The following METTL25 variants were observed in gnomAD, a reference collection of about 807,000 sequenced individuals.
METTL25 encodes probable methyltransferase-like protein 25.
In METTL25, 64 loss-of-function variants were observed where a neutral mutation model predicts 71.6. That is an observed-to-expected ratio of 0.89 (90% CI 0.73 to 1.10). The LOEUF is 1.10. Ranked by LOEUF, METTL25 falls within the 50% of genes least tolerant of loss-of-function variation. The pLI is 0.00. For missense variants in METTL25, 807 were observed against 707.0 expected, an observed-to-expected ratio of 1.14 and a Z score of -1.60; for synonymous variants, 287 against 250.3, an observed-to-expected ratio of 1.15 and a Z score of -1.38.
chr12:82,377,597 G>A (rs1884002701), intron 1 of METTL25, among the ~76,000 whole-genome samples: 1 of 151,992 alleles, frequency 6.6e-6, no homozygotes, highest in Admixed American at 6.5e-5. Flanking sequence ...GTCTACCAGT[G>A]AAAAAAGAAT....
At chr12:82,392,494 G>A (rs1885688455) in intron 3 of METTL25, among the ~76,000 whole-genome samples, 1 of 151,960 alleles carries the variant, frequency 6.6e-6, no homozygotes. Context: ...TTATTCCATT[G>A]AGTTGTTTGT....
intron 1 of METTL25, among the ~76,000 whole-genome samples, chr12:82,377,743 A>C (rs2136899179): frequency 6.6e-6 from 1 of 152,352 alleles, no homozygotes; most frequent in South Asian, 2.1e-4. Flanking sequence ...GATGAAGGGT[A>C]AGGAAACTGT....
intron 8 of METTL25, among the ~76,000 whole-genome samples, chr12:82,441,212 C>G (rs981156163): frequency 6.6e-6 from 1 of 151,882 alleles, no homozygotes; most frequent in African/African-American, 2.4e-5. Flanking sequence ...CAGATTATTG[C>G]TTCTGCTAGC....
At chr12:82,384,548 T>C (rs551300700) in intron 1 of METTL25, among the ~76,000 whole-genome samples, 116 of 152,132 alleles carry the variant, frequency 7.6e-4, no homozygotes, top group African/African-American at 2.7e-3. Flanking sequence ...CTAGACTATC[T>C]GAGTAAAACT....
chr12:82,440,281 A>G (rs535186999), intron 8 of METTL25, among the ~76,000 whole-genome samples: 4 of 152,056 alleles, frequency 2.6e-5, no homozygotes, highest in African/African-American at 9.6e-5. Context: ...GAAATATGTA[A>G]CTAGCTCCCA....
At chr12:82,378,153 C>T (rs1884068295) in intron 1 of METTL25, among the ~76,000 whole-genome samples, 1 of 152,190 alleles carries the variant, frequency 6.6e-6, no homozygotes, top group South Asian at 2.1e-4. Flanking sequence ...CACAGAGTAT[C>T]AGACCAGTGT....
At chr12:82,439,742 T>C (rs1405717363) in intron 8 of METTL25, 4 of 308,008 alleles carry the variant, frequency 1.3e-5, no homozygotes, top group Non-Finnish European at 1.9e-5. Flanking sequence ...TGAAAACTAG[T>C]TCCTTCTCTT....
At chr12:82,384,033 A>G (rs895327890) in intron 1 of METTL25, among the ~76,000 whole-genome samples, 1 of 152,138 alleles carries the variant, frequency 6.6e-6, no homozygotes, top group Admixed American at 6.6e-5. Flanking sequence ...TGGGGTACAT[A>G]AAAAGTAAGA....
At chr12:82,415,921 A>G (rs1029285186) in intron 5 of METTL25, among the ~76,000 whole-genome samples, 4 of 152,182 alleles carry the variant, frequency 2.6e-5, no homozygotes, top group African/African-American at 7.2e-5. Context: ...GCCCAGTAGG[A>G]AACAAATCAG....
chr12:82,416,480 G>C (rs1031260099), intron 5 of METTL25, among the ~76,000 whole-genome samples: 2 of 127,648 alleles, frequency 1.6e-5, no homozygotes, highest in Admixed American at 1.8e-4. Flanking sequence ...GTCTCACTCT[G>C]TTGTCCAGGC....
intron 1 of METTL25, among the ~76,000 whole-genome samples, chr12:82,367,077 T>C (rs1433215703): frequency 6.6e-6 from 1 of 152,208 alleles, no homozygotes; most frequent in Non-Finnish European, 1.5e-5. Context: ...AAATTTGTTT[T>C]CTAATTTTTA....
intron 8 of METTL25, among the ~76,000 whole-genome samples, chr12:82,440,560 T>A (rs1890241682): frequency 6.6e-6 from 1 of 152,050 alleles, no homozygotes; most frequent in African/African-American, 2.4e-5. Flanking sequence ...TTGTACATGT[T>A]ATTTTTTTTT....
At position 82,399,059 on chromosome 12, in the gene METTL25, C is replaced by A. The variant is rs770181397; in HGVS notation, c.796C>A (p.Pro266Thr). The A allele has an allele frequency of 1.2e-6, 2 of 1,612,660 alleles. No individual in the cohort carries two copies. Among genetic ancestry groups the A allele is most frequent in the African/African-American group, 2.7e-5 (2 of 74,882 alleles). Residue 266 changes from proline (P) to threonine (T), a missense_variant, in exon 4 of 12, where the codon CCT (proline) becomes ACT (threonine). By Grantham distance (38) the Pro-to-Thr change is conservative (BLOSUM62 -1). Coordinates refer to ENST00000248306, the MANE Select transcript of METTL25 (RefSeq NM_032230.3). ...ADTEEVFNNS[P>T]TNQEKMPTSA... The stretch of plus-strand genomic sequence containing the variant: ...TACTGAGGAAGTGTTTAACAACAGT[C>A]CTACAAATCAAGAAAAGATGCCTAC...
intron 8 of METTL25, among the ~76,000 whole-genome samples, chr12:82,447,457 T>A (rs1344899603): frequency 6.6e-6 from 1 of 152,196 alleles, no homozygotes; most frequent in African/African-American, 2.4e-5. Context: ...TGGTTGAATC[T>A]TGTGAATATA....
At chr12:82,476,016 C>T (rs1169570664) in intron 9 of METTL25, among the ~76,000 whole-genome samples, 2 of 152,032 alleles carry the variant, frequency 1.3e-5, no homozygotes, top group Non-Finnish European at 2.9e-5. Context: ...AATAATGTAA[C>T]TGGCATAGCA....
intron 5 of METTL25, among the ~76,000 whole-genome samples, chr12:82,413,950 G>A (rs928302862): frequency 1.3e-5 from 2 of 151,188 alleles, no homozygotes; most frequent in Non-Finnish European, 3.0e-5. Context: ...TTGGGTTTTA[G>A]GAAGTAAAAC....
At chr12:82,451,258 C>T (rs191756850) in intron 8 of METTL25, 19 of 969,792 alleles carry the variant, frequency 2.0e-5, no homozygotes, top group Middle Eastern at 5.3e-4. Flanking sequence ...GACTTAAGTG[C>T]GTATTTATAT....
chr12:82,374,425 A>G (rs1388149815), intron 1 of METTL25: 1 of 152,208 alleles, frequency 6.6e-6, no homozygotes, highest in African/African-American at 2.4e-5. Flanking sequence ...TGGTGCGTTT[A>G]CAATCCCTTA....
intron 10 of METTL25, 102 bp downstream of exon 10, chr12:82,476,820 C>A (rs1223433619): frequency 1.0e-5 from 7 of 697,376 alleles, no homozygotes; most frequent in Non-Finnish European, 1.4e-5. Context: ...TTGTTTTTCT[C>A]TTACTGTAGA....
Sources: gnomAD v4.1 joint callset for allele counts (sites outside exome capture counted in the v4.1 genomes callset) on GRCh38, gnomAD v4.1.1 for gene constraint, MANE v1.5 for transcripts, NCBI Gene and HGNC (gene_info 2026-07-23, HGNC 2026-07-21) for gene names.